The following AKT3 variants were observed in gnomAD, a reference collection of about 807,000 sequenced individuals.
AKT3 encodes the protein AKT serine/threonine kinase 3, also known as RAC-gamma serine/threonine-protein kinase.
Under a neutral mutation model 65.3 loss-of-function variants are expected in AKT3, and 15 were observed. The observed-to-expected ratio is 0.23, with a 90% CI of 0.15 to 0.35. AKT3 has a LOEUF of 0.35. AKT3 is among the 10% of genes least tolerant of loss of function. AKT3 has a pLI of 1.00. For missense variants in AKT3, 243 were observed against 576.5 expected (o/e 0.42, Z 5.92); for synonymous variants, 206 against 183.8 (o/e 1.12, Z -0.98).
chr1:243,492,455 C>T (rs935835455), intron 13 of AKT3, among the ~76,000 whole-genome samples: 1 of 151,640 alleles, frequency 6.6e-6, no homozygotes, highest in Non-Finnish European at 1.5e-5. Context: ...GCACCCACCA[C>T]CACACCTAGC....
chr1:243,652,363 C>T (rs1194002573), intron 4 of AKT3, among the ~76,000 whole-genome samples: 2 of 151,970 alleles, frequency 1.3e-5, no homozygotes, highest in Admixed American at 6.6e-5. Flanking sequence ...ATTTCATATC[C>T]AGCCAAACTA....
At chr1:243,820,091 T>C (rs909412871) in intron 2 of AKT3, among the ~76,000 whole-genome samples, 1 of 152,198 alleles carries the variant, frequency 6.6e-6, no homozygotes, top group Non-Finnish European at 1.5e-5. Context: ...GCTAATTTTT[T>C]GTATTTTTTA....
chr1:243,547,586 C>T (rs1042113018), intron 11 of AKT3, among the ~76,000 whole-genome samples: 5 of 152,168 alleles, frequency 3.3e-5, no homozygotes, highest in Non-Finnish European at 5.9e-5. Context: ...TATCTGGATG[C>T]AATTCCATCA....
At chr1:243,657,928 C>A (rs1351809169) in intron 4 of AKT3, among the ~76,000 whole-genome samples, 1 of 151,970 alleles carries the variant, frequency 6.6e-6, no homozygotes, top group Non-Finnish European at 1.5e-5. Context: ...TATCAACATG[C>A]AAAAGAACAA....
At chr1:243,530,798 C>A (rs1462825545) in intron 12 of AKT3, among the ~76,000 whole-genome samples, 1 of 152,026 alleles carries the variant, frequency 6.6e-6, no homozygotes, top group Non-Finnish European at 1.5e-5. Context: ...GAGAGATGAT[C>A]CAAATAAACA....
chr1:243,804,054 C>T (rs971966228), intron 2 of AKT3, among the ~76,000 whole-genome samples: 2 of 152,188 alleles, frequency 1.3e-5, no homozygotes, highest in Non-Finnish European at 2.9e-5. Flanking sequence ...AGACCCTTGA[C>T]ATCATCATCA....
chr1:243,622,706 T>C (rs977268251), intron 6 of AKT3, among the ~76,000 whole-genome samples: 4 of 152,188 alleles, frequency 2.6e-5, no homozygotes, highest in Non-Finnish European at 5.9e-5. Flanking sequence ...ATACTCCCAA[T>C]AGAACAATGA....
In AKT3 at chr1:243,824,700, G is replaced by C. The variant is rs556878581; in HGVS notation, c.46+18425C>G. ...CAAGAAATTCAAATCAAAATCACAA[G>C]GAGATACCACCTCACACCAGTCAGA... is the stretch of plus-strand genomic sequence containing the variant. On this transcript the variant is annotated intron_variant, in intron 2 of 13. Transcript: ENST00000673466. Among the ~76,000 whole-genome samples the C allele has an allele frequency of 2.6e-5, 4 of 151,830 alleles. No homozygotes were observed. The East Asian group carries it at 7.7e-4, about 29-fold the overall frequency.
chr1:243,521,381 G>A (rs951338582), intron 12 of AKT3, among the ~76,000 whole-genome samples: 2 of 152,146 alleles, frequency 1.3e-5, no homozygotes, highest in Admixed American at 6.5e-5. Flanking sequence ...TGGAGATTCT[G>A]GTTTATTTAA....
intron 8 of AKT3, among the ~76,000 whole-genome samples, chr1:243,607,014 TTGG>T (rs1354218260): frequency 6.6e-6 from 1 of 152,228 alleles, no homozygotes; most frequent in African/African-American, 2.4e-5. Context: ...GAATTAAGGT[TTGG>T]GAACCTCCAC....
chr1:243,605,732 C>T (rs1416723256), intron 8 of AKT3, among the ~76,000 whole-genome samples: 1 of 152,174 alleles, frequency 6.6e-6, no homozygotes, highest in East Asian at 1.9e-4. Flanking sequence ...ATTTTTAGTG[C>T]TCCAAATACA....
intron 8 of AKT3, chr1:243,612,379 T>C (rs1677937854): frequency 6.6e-6 from 1 of 152,254 alleles, no homozygotes; most frequent in South Asian, 2.1e-4. Flanking sequence ...CCTCCCCAAC[T>C]GCTGGGATTA....
chr1:243,535,207 T>TA (rs1214375811), intron 12 of AKT3, among the ~76,000 whole-genome samples: 3 of 147,636 alleles, frequency 2.0e-5, no homozygotes, highest in Non-Finnish European at 1.5e-5. Context: ...TATTTTAAAA[T>TA]TATTTTAAAA....
chr1:243,681,500 A>C lies in AKT3; in HGVS notation c.172+14091T>G, dbSNP rs918581638. Among the ~76,000 whole-genome samples, 25 of 152,090 alleles carry C rather than the reference A, an allele frequency of 1.6e-4. 1 individual carries two copies. Among genetic ancestry groups the C allele is most frequent in the African/African-American group, 5.8e-4 (24 of 41,418 alleles). ...AACATTACATAATAAAACTCTATCA[A>C]ATTTATCAGCCACCCATCTACGACA... On this transcript the variant is annotated intron_variant, in intron 3 of 13. Coordinates refer to ENST00000673466, the MANE Select transcript of AKT3 (RefSeq NM_005465.7).
intron 2 of AKT3, among the ~76,000 whole-genome samples, chr1:243,789,814 A>G (rs978809464): frequency 6.6e-6 from 1 of 152,246 alleles, no homozygotes; most frequent in Non-Finnish European, 1.5e-5. Context: ...CCTGGGCTGC[A>G]GAATAAATGT....
At chr1:243,507,761 G>T (rs936314758) in intron 13 of AKT3, among the ~76,000 whole-genome samples, 3 of 152,178 alleles carry the variant, frequency 2.0e-5, no homozygotes, top group African/African-American at 7.2e-5. Context: ...GATTTTCTTA[G>T]AACATTTAAC....
chr1:243,715,713 A>T (rs1686471447), intron 2 of AKT3, among the ~76,000 whole-genome samples: 1 of 152,148 alleles, frequency 6.6e-6, no homozygotes, highest in African/African-American at 2.4e-5. Context: ...TTTAGAAGAG[A>T]AACTTTTCAT....
intron 12 of AKT3, among the ~76,000 whole-genome samples, chr1:243,517,552 T>G (rs1232854866): frequency 2.6e-5 from 4 of 152,358 alleles, no homozygotes; most frequent in Non-Finnish European, 1.5e-5. Context: ...TTATGAAATG[T>G]TCCTCCTTAT....
In AKT3 at chr1:243,512,809, A is replaced by G. The variant is rs1670100572; in HGVS notation, c.1252-383T>C. On this transcript the variant is annotated intron_variant, in intron 12 of 13. Coordinates refer to ENST00000673466, the MANE Select transcript of AKT3 (RefSeq NM_005465.7). ...GCAACCTCTTTCTAGTGCTAGCTGA[A>G]GAGGGTAGTAATAAAAATACAACTT... is the stretch of plus-strand genomic sequence containing the variant. Among the ~76,000 whole-genome samples, 5 of 152,218 alleles carry G rather than the reference A, an allele frequency of 3.3e-5. No homozygotes were observed. In the South Asian group the frequency reaches 1.0e-3, roughly 32 times the overall value.
Sources: gnomAD v4.1 joint callset for allele counts (sites outside exome capture counted in the v4.1 genomes callset) on GRCh38, gnomAD v4.1.1 for gene constraint, MANE v1.5 for transcripts, NCBI Gene and HGNC (gene_info 2026-07-23, HGNC 2026-07-21) for gene names.